FMN1: variants seen among roughly 807,000 people sequenced by gnomAD.
FMN1 encodes formin-1.
Under a neutral mutation model 132.4 loss-of-function variants are expected in FMN1, and 110 were observed. The observed-to-expected ratio is 0.83, with a 90% CI of 0.71 to 0.97. The LOEUF (loss-of-function observed/expected upper bound fraction) is 0.97, where lower values mean the gene tolerates loss of function less well. Ranked by LOEUF, FMN1 falls within the 50% of genes least tolerant of loss-of-function variation. The probability of loss-of-function intolerance (pLI) is 0.00; values close to 1 mark genes in which losing one functional copy is unlikely to be tolerated. For missense variants in FMN1, 1,792 were observed against 1,705.3 expected (o/e 1.05, Z -0.90); for synonymous variants, 722 against 651.7 (o/e 1.11, Z -1.64).
At chr15:32,893,175 CT>C (rs989818598) in intron 15 of FMN1, among the ~76,000 whole-genome samples, 35 of 152,304 alleles carry the variant, frequency 2.3e-4, no homozygotes, top group African/African-American at 7.5e-4. Flanking sequence ...ACACAATGTA[CT>C]TTTTTCCCCC....
chr15:32,964,336 C>A, intron 8 of FMN1, 79 bp from the exon 9 acceptor site: 2 of 1,024,898 alleles, frequency 2.0e-6, no homozygotes, highest in Non-Finnish European at 2.8e-6. Flanking sequence ...TTCTCTAATC[C>A]ATTTTTTAAT....
chr15:33,158,307 G>A (rs368313210), intron 3 of FMN1, among the ~76,000 whole-genome samples: 54 of 152,246 alleles, frequency 3.5e-4, no homozygotes, highest in Middle Eastern at 6.8e-3. Context: ...TATGTAAATG[G>A]AGAAAATGTC....
At chr15:32,960,375 G>C (rs564017690) in intron 9 of FMN1, among the ~76,000 whole-genome samples, 2 of 152,096 alleles carry the variant, frequency 1.3e-5, no homozygotes, top group Non-Finnish European at 2.9e-5. Flanking sequence ...TCCTAGACAC[G>C]TGGGTACAAT....
chr15:32,967,240 A>G (rs1006723494), intron 8 of FMN1, among the ~76,000 whole-genome samples: 3 of 152,214 alleles, frequency 2.0e-5, no homozygotes, highest in Non-Finnish European at 2.9e-5. Context: ...TCGTGGGTGA[A>G]GGGCCCACAT....
chr15:33,042,858 G>T (rs541073670), intron 6 of FMN1, among the ~76,000 whole-genome samples: 84 of 151,884 alleles, frequency 5.5e-4, no homozygotes, highest in Non-Finnish European at 8.2e-4. Flanking sequence ...AGTAGCTGCT[G>T]AAGCCTAAAA....
intron 19 of FMN1, among the ~76,000 whole-genome samples, chr15:32,790,992 C>T (rs1285332211): frequency 2.6e-5 from 4 of 152,126 alleles, no homozygotes; most frequent in African/African-American, 9.7e-5. Flanking sequence ...TCTACAGAAC[C>T]TGGTTTCTGG....
intron 6 of FMN1, among the ~76,000 whole-genome samples, chr15:33,053,568 G>A (rs1438884454): frequency 1.3e-5 from 2 of 152,072 alleles, no homozygotes; most frequent in East Asian, 3.9e-4. Context: ...CAAGTACTGG[G>A]TCCTCAGAAT....
chr15:32,832,871 C>T (rs909856168), intron 17 of FMN1, among the ~76,000 whole-genome samples: 11 of 152,088 alleles, frequency 7.2e-5, no homozygotes, highest in African/African-American at 2.7e-4. Context: ...TCCTTTATGA[C>T]CCCGGGTTAC....
chr15:33,082,644 T>C (rs2038528375), intron 5 of FMN1, among the ~76,000 whole-genome samples: 2 of 152,300 alleles, frequency 1.3e-5, no homozygotes, highest in South Asian at 4.1e-4. Flanking sequence ...TGGTTGAAAG[T>C]GCCCTAGGAC....
Position 33,067,430 on chromosome 15 carries a change from T to G in FMN1, c.2044-2356A>C, listed in dbSNP as rs2037792439. On this transcript the variant is annotated intron_variant, in intron 5 of 20. Transcript: ENST00000616417. ...TCCCTCCTCTGGCTCCTGGCCACCA[T>G]CATCAGAGTCAGAATCACTGGTGGT... 16 of 1,614,008 alleles carry G rather than the reference T, an allele frequency of 9.9e-6. No homozygotes were observed. Among genetic ancestry groups the G allele is most frequent in the Non-Finnish European group, 1.4e-5 (16 of 1,179,900 alleles).
At chr15:33,092,400 G>A (rs982566751) in intron 4 of FMN1, among the ~76,000 whole-genome samples, 1 of 152,008 alleles carries the variant, frequency 6.6e-6, no homozygotes, top group Non-Finnish European at 1.5e-5. Flanking sequence ...ATATGATCAC[G>A]CACCCACGGC....
intron 4 of FMN1, among the ~76,000 whole-genome samples, chr15:33,142,264 T>C (rs116957370): frequency 1.9e-3 from 297 of 152,330 alleles, no homozygotes; most frequent in Non-Finnish European, 3.2e-3. Flanking sequence ...CAATATGCTG[T>C]CAGCTAAAAC....
intron 6 of FMN1, among the ~76,000 whole-genome samples, chr15:33,056,834 CAGAA>C (rs2037239292): frequency 6.6e-6 from 1 of 152,140 alleles, no homozygotes; most frequent in African/African-American, 2.4e-5. Context: ...ATAACGTTAA[CAGAA>C]AGAAGCCAGA....
At chr15:32,886,367 G>T (rs966183914) in intron 16 of FMN1, among the ~76,000 whole-genome samples, 2 of 152,130 alleles carry the variant, frequency 1.3e-5, no homozygotes, top group African/African-American at 4.8e-5. Context: ...TCTTTCCTAA[G>T]GCCGCTCTAC....
chr15:32,929,842 G>A (rs1445424830), intron 9 of FMN1, among the ~76,000 whole-genome samples: 1 of 151,166 alleles, frequency 6.6e-6, no homozygotes, highest in Non-Finnish European at 1.5e-5. Context: ...GCCCATCAAT[G>A]GACATTTAGG....
At chr15:33,102,853 T>G (rs2039346315) in intron 4 of FMN1, among the ~76,000 whole-genome samples, 1 of 152,140 alleles carries the variant, frequency 6.6e-6, no homozygotes, top group Non-Finnish European at 1.5e-5. Flanking sequence ...GAAATGTACT[T>G]TTAGCAAATT....
intron 16 of FMN1, among the ~76,000 whole-genome samples, chr15:32,861,407 T>C (rs2059265151): frequency 6.6e-6 from 1 of 152,194 alleles, no homozygotes; most frequent in East Asian, 1.9e-4. Context: ...TCCAATTTTA[T>C]GAGGCCATAT....
At chr15:33,052,866 TG>T (rs1378165555) in intron 6 of FMN1, among the ~76,000 whole-genome samples, 1 of 152,096 alleles carries the variant, frequency 6.6e-6, no homozygotes, top group African/African-American at 2.4e-5. Flanking sequence ...CACCTTTGAG[TG>T]GTGTCTTTAC....
At chr15:33,079,059 A>G (rs909270341) in intron 5 of FMN1, among the ~76,000 whole-genome samples, 1 of 152,210 alleles carries the variant, frequency 6.6e-6, no homozygotes, top group Non-Finnish European at 1.5e-5. Context: ...ACTTATATAC[A>G]ATTCCTAGAA....
Sources: allele counts gnomAD v4.1 joint callset (sites outside exome capture counted in the v4.1 genomes callset), GRCh38; gene constraint gnomAD v4.1.1; transcripts MANE v1.5; gene names NCBI Gene and HGNC (gene_info 2026-07-23, HGNC 2026-07-21).